SEC61G: variants seen among roughly 807,000 people sequenced by gnomAD.
The protein encoded by SEC61G is SEC61 translocon subunit gamma.
A neutral mutation model predicts 7.5 loss-of-function variants in SEC61G; 4 were observed. The ratio of observed to expected loss-of-function variants is 0.54; its 90% confidence interval spans 0.26 to 1.22. The LOEUF (loss-of-function observed/expected upper bound fraction) is 1.22, where lower values mean the gene tolerates loss of function less well. SEC61G is among the 50% of genes most tolerant of loss of function. The probability of loss-of-function intolerance (pLI) is 0.12; values close to 1 mark genes in which losing one functional copy is unlikely to be tolerated. For missense variants in SEC61G, 53 were observed against 84.6 expected, an observed-to-expected ratio of 0.63 and a Z score of 1.46; for synonymous variants, 24 against 24.4, an observed-to-expected ratio of 0.98 and a Z score of 0.05.
Position 54,758,902 on chromosome 7 carries a change from C to T in SEC61G, c.-7+256G>A, listed in dbSNP as rs901390113. The stretch of plus-strand genomic sequence containing the variant: ...CAGCACAGAAGACGCCGGGGCAGGA[C>T]GCTAAGCCCTGGAGCCCCGCGGGCC... On this transcript the variant is annotated intron_variant, in intron 1 of 3. Transcript: ENST00000352861. The T allele has an allele frequency of 2.2e-4, 63 of 280,374 alleles. 1 individual carries two copies. Among genetic ancestry groups the T allele is most frequent in the Non-Finnish European group, 4.9e-5 (7 of 143,850 alleles). The allele number at this position is 280,374 out of a possible 1,614,324, so 17.4% of individuals were successfully genotyped here. A position where few individuals can be genotyped will look rare whatever the true frequency, so the allele number is the denominator to read the frequency against.
intron 3 of SEC61G, chr7:54,754,672 TA>T (rs1361463156): frequency 6.6e-6 from 1 of 151,906 alleles, no homozygotes; most frequent in Non-Finnish European, 1.5e-5. Context: ...GTACCTGGGA[TA>T]AAATACCTAG....
intron 3 of SEC61G, chr7:54,755,049 T>A (rs1791480209): frequency 6.6e-6 from 1 of 152,204 alleles, no homozygotes; most frequent in African/African-American, 2.4e-5. Context: ...ATTACCTAAT[T>A]GCTCTAATTG....
chr7:54,755,930 A>G (rs1413685960), intron 2 of SEC61G, 49 bp from the exon 3 acceptor site: 1 of 1,103,150 alleles, frequency 9.1e-7, no homozygotes, highest in Non-Finnish European at 1.3e-6. Context: ...TGTCACTGAA[A>G]GTATGGGAAA....
rs1210301311 is a variant in SEC61G at position 54,752,321 on chromosome 7, C to T, written c.*90G>A. 2 of 819,628 alleles carry T rather than the reference C, an allele frequency of 2.4e-6. No homozygotes were observed. Among genetic ancestry groups the T allele is most frequent in the East Asian group, 5.6e-5 (2 of 35,938 alleles). 50.8% of individuals were successfully genotyped at this position (819,628 alleles called of 1,614,324 possible). ...AAAGGAAAAAAAAAAACCCACAAAA[C>T]ATACAGGCAAATTTGTATTCTGTGA... On this transcript the variant is annotated 3_prime_UTR_variant, in exon 4 of 4. Transcript: ENST00000352861.
intron 2 of SEC61G, 53 bp from the exon 3 acceptor site, chr7:54,755,934 T>C (rs978152449): frequency 1.3e-5 from 14 of 1,060,520 alleles, no homozygotes; most frequent in African/African-American, 1.3e-4. Context: ...ACTGAAAGTA[T>C]GGGAAAAAAA....
At chr7:54,754,082 G>A (rs539537936) in intron 3 of SEC61G, among the ~76,000 whole-genome samples, 11 of 152,242 alleles carry the variant, frequency 7.2e-5, no homozygotes, top group African/African-American at 2.6e-4. Context: ...AATCTAATAT[G>A]AAAAGACGGA....
At chr7:54,754,377 C>T (rs780461309) in intron 3 of SEC61G, among the ~76,000 whole-genome samples, 13 of 152,182 alleles carry the variant, frequency 8.5e-5, no homozygotes, top group Non-Finnish European at 1.8e-4. Context: ...AAAGAAGGGA[C>T]TTGACAGAGA....
At chr7:54,758,672 C>G (rs1184300974) in intron 1 of SEC61G, among the ~76,000 whole-genome samples, 1 of 152,200 alleles carries the variant, frequency 6.6e-6, no homozygotes, top group African/African-American at 2.4e-5. Flanking sequence ...GCACGCTACA[C>G]ACAATACCGC....
At chr7:54,753,528 A>G (rs1243657413) in intron 3 of SEC61G, among the ~76,000 whole-genome samples, 2 of 152,194 alleles carry the variant, frequency 1.3e-5, no homozygotes, top group African/African-American at 2.4e-5. Context: ...CCTTGCTACC[A>G]TCTCAAAATG....
intron 2 of SEC61G, among the ~76,000 whole-genome samples, chr7:54,756,447 G>A (rs1288474655): frequency 6.6e-6 from 1 of 152,176 alleles, no homozygotes; most frequent in Admixed American, 6.5e-5. Context: ...CCCGAGGTCA[G>A]GAGTTTAAGA....
intron 1 of SEC61G, 45 bp downstream of exon 1, chr7:54,759,113 G>A (rs1488142626): frequency 2.0e-6 from 1 of 509,110 alleles, no homozygotes; most frequent in African/African-American, 1.9e-5. Context: ...TCGCAAAGGT[G>A]TGGCCGCCCC....
chr7:54,754,148 G>A (rs1791463226), intron 3 of SEC61G, among the ~76,000 whole-genome samples: 1 of 152,184 alleles, frequency 6.6e-6, no homozygotes, highest in African/African-American at 2.4e-5. Flanking sequence ...AAAAATATAG[G>A]TTAAGTGAAG....
At chr7:54,757,647 C>A in intron 1 of SEC61G, 53 bp from the exon 2 acceptor site, 2 of 1,420,236 alleles carry the variant, frequency 1.4e-6, no homozygotes, top group Non-Finnish European at 2.0e-6. Context: ...ACAATAAGCA[C>A]TTGCTCATTT....
At position 54,752,371 on chromosome 7, in the gene SEC61G, C is replaced by CA; in HGVS notation, c.*39dup. On this transcript the variant is annotated 3_prime_UTR_variant, in exon 4 of 4. Coordinates refer to ENST00000352861, the MANE Select transcript of SEC61G (RefSeq NM_014302.4). ...AGTTTCTCACACCCTCACACTTGTT[C>CA]ACCAATCTCTAAGATGAAAAACTCT... 6.7e-7 allele frequency: 1 copy of CA among 1,488,788 alleles called. No individual in the cohort carries two copies. Among genetic ancestry groups the CA allele is most frequent in the Non-Finnish European group, 9.1e-7 (1 of 1,095,092 alleles). The allele number at this position is 1,488,788 out of a possible 1,614,324, so 92.2% of individuals were successfully genotyped here. A position where few individuals can be genotyped will look rare whatever the true frequency, so the allele number is the denominator to read the frequency against.
chr7:54,755,924 A>T (rs746442381), intron 2 of SEC61G, 43 bp from the exon 3 acceptor site: 1 of 1,230,560 alleles, frequency 8.1e-7, no homozygotes, highest in South Asian at 1.4e-5. Flanking sequence ...TTGCACTGTC[A>T]CTGAAAGTAT....
intron 1 of SEC61G, 146 bp from the exon 2 acceptor site, chr7:54,757,740 A>G (rs1791548590): frequency 1.7e-6 from 1 of 582,206 alleles, no homozygotes; most frequent in Non-Finnish European, 3.0e-6. Context: ...ACAAAAAACA[A>G]ACTCCAAAGC....
At chr7:54,759,092 GCCC>G (rs1791582707) in intron 1 of SEC61G, 63 bp downstream of exon 1, 3 of 470,408 alleles carry the variant, frequency 6.4e-6, no homozygotes, top group South Asian at 4.4e-5. Flanking sequence ...CACGCCCGCT[GCCC>G]CCAAGAGTCG....
intron 3 of SEC61G, among the ~76,000 whole-genome samples, chr7:54,753,326 CT>C (rs1476435453): frequency 1.8e-4 from 28 of 152,140 alleles, no homozygotes; most frequent in African/African-American, 6.3e-4. Context: ...TAAAATACCC[CT>C]GAGCATATAC....
intron 2 of SEC61G, among the ~76,000 whole-genome samples, chr7:54,756,279 C>T (rs1190103694): frequency 6.6e-6 from 1 of 152,086 alleles, no homozygotes; most frequent in Non-Finnish European, 1.5e-5. Flanking sequence ...ATTATATGGG[C>T]AGAAACATAC....
Sources: gnomAD v4.1 joint callset for allele counts (sites outside exome capture counted in the v4.1 genomes callset) on GRCh38, gnomAD v4.1.1 for gene constraint, MANE v1.5 for transcripts, NCBI Gene and HGNC (gene_info 2026-07-23, HGNC 2026-07-21) for gene names.